MRPS31: variants seen among roughly 807,000 people sequenced by gnomAD.
MRPS31 encodes small ribosomal subunit protein mS31.
In MRPS31, 32 loss-of-function variants were observed where a neutral mutation model predicts 43.1. The ratio of observed to expected loss-of-function variants is 0.74; its 90% CI spans 0.56 to 1.00. The LOEUF is 1.00. Ranked by LOEUF, MRPS31 falls within the 50% of genes least tolerant of loss-of-function variation. MRPS31 has a pLI of 0.00. For synonymous variants in MRPS31, 165 were observed against 161.6 expected (o/e 1.02, Z -0.16); for missense variants, 437 against 466.7 (o/e 0.94, Z 0.59).
chr13:40,743,655 C>A (rs1369589424), intron 6 of MRPS31, among the ~76,000 whole-genome samples: 1 of 152,132 alleles, frequency 6.6e-6, no homozygotes, highest in Non-Finnish European at 1.5e-5. Context: ...AATGAGATAC[C>A]ATCTCACACC....
chr13:40,745,817 T>C (rs1880226662), intron 6 of MRPS31, among the ~76,000 whole-genome samples: 1 of 152,000 alleles, frequency 6.6e-6, no homozygotes, highest in South Asian at 2.1e-4. Flanking sequence ...TGGGTAGGCA[T>C]AAATGTGATT....
In MRPS31 at chr13:40,757,015, T is replaced by C; in HGVS notation, c.600-2A>G. On this transcript the variant is annotated splice_acceptor_variant, in intron 3 of 6. Transcript: ENST00000323563. LOFTEE classifies it high-confidence loss of function. ...ATATCTGATATTATGTTACTGAAAC[T>C]GAAATAATAAAAAGGTCAAGTGTAT... 1 of 1,601,128 alleles carries C rather than the reference T, an allele frequency of 6.2e-7. No individual in the cohort carries two copies. The highest frequency in any genetic ancestry group is 8.5e-7 in the Non-Finnish European group (1 of 1,175,046).
At chr13:40,738,597 A>C (rs1488246091) in intron 6 of MRPS31, among the ~76,000 whole-genome samples, 1 of 152,174 alleles carries the variant, frequency 6.6e-6, no homozygotes, top group Non-Finnish European at 1.5e-5. Context: ...ATCATGATCA[A>C]GTGGGCTTCA....
intron 1 of MRPS31, 40 bp from the exon 2 acceptor site, chr13:40,767,073 G>T: frequency 6.6e-7 from 1 of 1,510,732 alleles, no homozygotes; most frequent in Non-Finnish European, 9.0e-7. Flanking sequence ...AAAATACAAT[G>T]CAGTCTACAA....
intron 6 of MRPS31, among the ~76,000 whole-genome samples, chr13:40,738,651 T>C (rs1441924250): frequency 6.6e-6 from 1 of 152,160 alleles, no homozygotes; most frequent in African/African-American, 2.4e-5. Context: ...AATCAATAAA[T>C]GTAATCCAGC....
chr13:40,761,231 C>T (rs1335235658), intron 2 of MRPS31, among the ~76,000 whole-genome samples: 3 of 148,924 alleles, frequency 2.0e-5, no homozygotes, highest in African/African-American at 7.5e-5. Flanking sequence ...TTTTCCACTG[C>T]ACTACAGCCT....
chr13:40,755,521 G>C (rs1278530004), intron 4 of MRPS31, among the ~76,000 whole-genome samples: 1 of 152,204 alleles, frequency 6.6e-6, no homozygotes, highest in Non-Finnish European at 1.5e-5. Flanking sequence ...CCTGATGGAG[G>C]CTATAAAAGG....
chr13:40,771,007 G>A lies in MRPS31; in HGVS notation c.130C>T (p.Arg44Cys), dbSNP rs1310271801. The A allele has an allele frequency of 1.9e-6, 3 of 1,614,026 alleles. No individual in the cohort carries two copies. The highest frequency in any genetic ancestry group is 2.7e-5 in the African/African-American group (2 of 74,918). ...LTVRHGTVRYRSSALLARTKN... is the reference protein window; with the variant it reads ...LTVRHGTVRYCSSALLARTKN... ...TACCGGGCCAACAGCGCTGAACTGCGGTACCTGACTGTTCCGTGCCGAACA... is the reference window on the plus strand; with the variant it reads ...TACCGGGCCAACAGCGCTGAACTGCAGTACCTGACTGTTCCGTGCCGAACA... The change falls in exon 1 of 7, where the codon CGC becomes TGC. Residue 44 changes from arginine (R) to cysteine (C), a missense_variant. Arg to Cys is a radical substitution (Grantham distance 180). Transcript: ENST00000323563.
chr13:40,760,051 C>T (rs1566110945), intron 2 of MRPS31, among the ~76,000 whole-genome samples: 1 of 148,584 alleles, frequency 6.7e-6, no homozygotes, highest in South Asian at 2.1e-4. Context: ...ACATGAGAAT[C>T]GTTTGAACCT....
At chr13:40,740,876 T>C (rs2137998825) in intron 6 of MRPS31, among the ~76,000 whole-genome samples, 1 of 150,402 alleles carries the variant, frequency 6.6e-6, no homozygotes, top group East Asian at 2.0e-4. Context: ...GCATGGCACA[T>C]GTATACGTAT....
intron 6 of MRPS31, among the ~76,000 whole-genome samples, chr13:40,738,509 C>A (rs1158385830): frequency 6.6e-6 from 1 of 151,622 alleles, no homozygotes; most frequent in Non-Finnish European, 1.5e-5. Context: ...AGACCAATAT[C>A]CTTGATGAAC....
intron 6 of MRPS31, among the ~76,000 whole-genome samples, chr13:40,736,174 G>T (rs2137994460): frequency 6.6e-6 from 1 of 151,850 alleles, no homozygotes; most frequent in East Asian, 1.9e-4. Flanking sequence ...TGGAAGAAAG[G>T]GTATCAGCAA....
In MRPS31 at chr13:40,729,255, T is replaced by C. The variant is rs1472179074; in HGVS notation, c.*117A>G. On this transcript the variant is annotated 3_prime_UTR_variant, in exon 7 of 7. Coordinates refer to ENST00000323563, the MANE Select transcript of MRPS31 (RefSeq NM_005830.4). ...TCATATTTTTGAAAACAATGTAACA[T>C]TTATACCAGCCAAATCAAATGTAAT... The C allele has an allele frequency of 8.4e-5, 51 of 606,236 alleles. No homozygotes were observed. The Admixed American group carries it at 1.7e-3, about 20-fold the overall frequency. The allele number at this position is 606,236 out of a possible 1,614,324, so 37.6% of individuals were successfully genotyped here.
At chr13:40,749,347 C>T in intron 5 of MRPS31, 66 bp from the exon 6 acceptor site, 1 of 1,326,628 alleles carries the variant, frequency 7.5e-7, no homozygotes, top group Non-Finnish European at 1.0e-6. Flanking sequence ...AAAGTTACAA[C>T]CAATCCTGAA....
chr13:40,743,006 C>T (rs562430441), intron 6 of MRPS31, among the ~76,000 whole-genome samples: 9 of 151,986 alleles, frequency 5.9e-5, no homozygotes, highest in Admixed American at 1.3e-4. Flanking sequence ...AAGGACTTCA[C>T]GACAAAGTCA....
At chr13:40,752,636 C>A (rs961045716) in intron 5 of MRPS31, among the ~76,000 whole-genome samples, 3 of 152,024 alleles carry the variant, frequency 2.0e-5, no homozygotes, top group Non-Finnish European at 2.9e-5. Context: ...CCCTAATAGT[C>A]TATTAAATAG....
intron 6 of MRPS31, among the ~76,000 whole-genome samples, chr13:40,745,497 C>G (rs2138002563): frequency 6.6e-6 from 1 of 152,330 alleles, no homozygotes; most frequent in Middle Eastern, 3.4e-3. Context: ...GGTGATATAC[C>G]TGCCTCAGTC....
chr13:40,759,512 G>C (rs1002683437), intron 2 of MRPS31, among the ~76,000 whole-genome samples: 4 of 152,260 alleles, frequency 2.6e-5, no homozygotes, highest in African/African-American at 9.6e-5. Context: ...CATTAGTTTA[G>C]TGAAAAGTGA....
chr13:40,734,309 C>T (rs1327788972), intron 6 of MRPS31, among the ~76,000 whole-genome samples: 1 of 152,126 alleles, frequency 6.6e-6, no homozygotes, highest in African/African-American at 2.4e-5. Context: ...GGGTATCCAA[C>T]ATAGAAGGGA....
Sources: allele counts gnomAD v4.1 joint callset (sites outside exome capture counted in the v4.1 genomes callset), GRCh38; gene constraint gnomAD v4.1.1; transcripts MANE v1.5; gene names NCBI Gene and HGNC (gene_info 2026-07-23, HGNC 2026-07-21).